SAMD5: variants seen among roughly 807,000 people sequenced by gnomAD.
SAMD5 encodes sterile alpha motif domain-containing protein 5.
A neutral mutation model predicts 11.3 loss-of-function variants in SAMD5; 13 were observed. The ratio of observed to expected loss-of-function variants is 1.15; its 90% CI spans 0.75 to 1.83. SAMD5 has a LOEUF of 1.83. Among genes scored for constraint, SAMD5 ranks in the 40% most tolerant of loss-of-function variants. SAMD5 has a pLI of 0.00. For synonymous variants in SAMD5, 129 were observed against 111.3 expected, an observed-to-expected ratio of 1.16 and a Z score of -1.00; for missense variants, 255 against 239.1, an observed-to-expected ratio of 1.07 and a Z score of -0.44.
At chr6:147,819,741 C>T in the SAMD5 span, among the ~76,000 whole-genome samples, 4 of 152,186 alleles carry the variant, frequency 2.6e-5, no homozygotes, top group African/African-American at 9.7e-5. Flanking sequence ...CAGATCTGTA[C>T]CTGTTAGGTC....
At chr6:147,782,656 C>G in the SAMD5 span, among the ~76,000 whole-genome samples, 1 of 152,176 alleles carries the variant, frequency 6.6e-6, no homozygotes, top group African/African-American at 2.4e-5. Flanking sequence ...TTTGCTTACT[C>G]AGGAAGGATT....
intron 1 of SAMD5, among the ~76,000 whole-genome samples, chr6:147,516,190 C>A (rs1170711057): frequency 6.6e-6 from 1 of 152,212 alleles, no homozygotes; most frequent in Non-Finnish European, 1.5e-5. Context: ...ACCTACTCTT[C>A]TATGCTTAAT....
the SAMD5 span, among the ~76,000 whole-genome samples, chr6:147,954,611 G>A: frequency 6.6e-6 from 1 of 151,430 alleles, no homozygotes; most frequent in Admixed American, 6.6e-5. Context: ...TTCGTGGTAA[G>A]TGCCCTGTAC....
chr6:147,668,207 T>C (rs1790747813), intron 1 of SAMD5, among the ~76,000 whole-genome samples: 1 of 152,220 alleles, frequency 6.6e-6, no homozygotes, highest in Non-Finnish European at 1.5e-5. Flanking sequence ...AACCTTCTCC[T>C]GTGCATCTAT....
the SAMD5 span, among the ~76,000 whole-genome samples, chr6:147,744,138 C>G: frequency 6.6e-6 from 1 of 152,174 alleles, no homozygotes; most frequent in African/African-American, 2.4e-5. Context: ...ATCAAGTGAA[C>G]ATTTAATATT....
At chr6:147,932,804 A>G in the SAMD5 span, among the ~76,000 whole-genome samples, 120 of 152,260 alleles carry the variant, frequency 7.9e-4, 1 homozygote, top group Middle Eastern at 6.8e-3. Flanking sequence ...TGACTGATGG[A>G]AAGGGAATGG....
At chr6:147,652,276 G>GTT in intron 1 of SAMD5, among the ~76,000 whole-genome samples, 1 of 151,864 alleles carries the variant, frequency 6.6e-6, no homozygotes, top group Non-Finnish European at 1.5e-5. Context: ...ATAGCTGAAG[G>GTT]TTTTTTTGTT....
chr6:147,756,146 C>CCATGTTTGCAGTCAAAGAGTTGCT, the SAMD5 span, among the ~76,000 whole-genome samples: 1 of 151,996 alleles, frequency 6.6e-6, no homozygotes, highest in African/African-American at 2.4e-5. Flanking sequence ...AAAACAAAAA[C>CCATGTTTGCAGTCAAAGAGTTGCT]CATGTTTGCA....
chr6:147,948,005 G>A, the SAMD5 span, among the ~76,000 whole-genome samples: 18 of 151,950 alleles, frequency 1.2e-4, no homozygotes, highest in African/African-American at 3.6e-4. Flanking sequence ...CCTGTGTCAC[G>A]GTGGTTTCAT....
At chr6:147,555,423 T>C (rs1788839745) in intron 1 of SAMD5, among the ~76,000 whole-genome samples, 1 of 152,242 alleles carries the variant, frequency 6.6e-6, no homozygotes, top group Admixed American at 6.5e-5. Context: ...TAATTGACAG[T>C]ATCTGTTGCT....
At chr6:147,717,471 C>T (rs1038151437) in intron 1 of SAMD5, among the ~76,000 whole-genome samples, 1 of 152,182 alleles carries the variant, frequency 6.6e-6, no homozygotes, top group African/African-American at 2.4e-5. Context: ...GCCCAAGTCT[C>T]AGGTTATCTG....
intron 1 of SAMD5, among the ~76,000 whole-genome samples, chr6:147,609,132 C>A: frequency 6.6e-6 from 1 of 152,050 alleles, no homozygotes; most frequent in Non-Finnish European, 1.5e-5. Flanking sequence ...AAGTCCTAAC[C>A]CTCAGTACCT....
At chr6:147,886,707 A>G in the SAMD5 span, among the ~76,000 whole-genome samples, 6 of 152,164 alleles carry the variant, frequency 3.9e-5, no homozygotes, top group Non-Finnish European at 7.3e-5. Context: ...AAAGAGCCAC[A>G]TAGCTTTGCG....
chr6:147,689,806 G>T (rs1791074567), intron 1 of SAMD5, among the ~76,000 whole-genome samples: 1 of 152,174 alleles, frequency 6.6e-6, no homozygotes, highest in Non-Finnish European at 1.5e-5. Flanking sequence ...TGGGTGTGGG[G>T]TGGGATATGG....
chr6:147,879,903 G>C, the SAMD5 span, among the ~76,000 whole-genome samples: 2 of 152,142 alleles, frequency 1.3e-5, no homozygotes, highest in African/African-American at 4.8e-5. Context: ...ACACGGACCT[G>C]ATGAGAAGGA....
At chr6:147,920,272 T>A in the SAMD5 span, among the ~76,000 whole-genome samples, 1 of 152,092 alleles carries the variant, frequency 6.6e-6, no homozygotes, top group South Asian at 2.1e-4. Flanking sequence ...ACTTGCTGAG[T>A]CTTCTGGACT....
chr6:147,793,884 C>G, the SAMD5 span, among the ~76,000 whole-genome samples: 1 of 152,062 alleles, frequency 6.6e-6, no homozygotes, highest in African/African-American at 2.4e-5. Flanking sequence ...ATTATGTTGG[C>G]TATTCTAATC....
chr6:147,515,791 C>T (rs1197360001), intron 1 of SAMD5, among the ~76,000 whole-genome samples: 1 of 152,012 alleles, frequency 6.6e-6, no homozygotes, highest in African/African-American at 2.4e-5. Flanking sequence ...TTTCTGCAAA[C>T]ATGAAGGATT....
chr6:147,574,336 A>G (rs992576406), downstream of SAMD5, among the ~76,000 whole-genome samples: 2 of 152,232 alleles, frequency 1.3e-5, no homozygotes, highest in African/African-American at 4.8e-5. Flanking sequence ...AATTTACCCA[A>G]TGTAACACAG....
Sources: gnomAD v4.1 joint callset for allele counts (sites outside exome capture counted in the v4.1 genomes callset) on GRCh38, gnomAD v4.1.1 for gene constraint, MANE v1.5 for transcripts, NCBI Gene and HGNC (gene_info 2026-07-23, HGNC 2026-07-21) for gene names.